The following USP24 variants were observed in gnomAD, a reference collection of about 807,000 sequenced individuals.
USP24 encodes ubiquitin carboxyl-terminal hydrolase 24.
A neutral mutation model predicts 361.6 loss-of-function variants in USP24; 97 were observed. The ratio of observed to expected loss-of-function variants is 0.27; its 90% CI spans 0.23 to 0.32. The LOEUF (loss-of-function observed/expected upper bound fraction) is 0.32, where lower values mean the gene tolerates loss of function less well. USP24 is among the 10% of genes least tolerant of loss of function. The pLI, the probability that USP24 is intolerant of heterozygous loss-of-function variation, is 1.00. For missense variants in USP24, 2,353 were observed against 3,165.6 expected (o/e 0.74, Z 6.16); for synonymous variants, 1,098 against 1,124.6 (o/e 0.98, Z 0.47).
At chr1:55,172,000 A>G (rs560747946) in intron 4 of USP24, among the ~76,000 whole-genome samples, 67 of 152,290 alleles carry the variant, frequency 4.4e-4, no homozygotes, top group Middle Eastern at 3.4e-3. Flanking sequence ...TGAGGGCAGA[A>G]GTCAGGAGGG....
At chr1:55,184,909 G>A (rs996768310) in intron 1 of USP24, among the ~76,000 whole-genome samples, 1 of 152,076 alleles carries the variant, frequency 6.6e-6, no homozygotes, top group Non-Finnish European at 1.5e-5. Context: ...AAACTTTTGG[G>A]TACAGCAAAA....
In USP24 at chr1:55,089,617, C is replaced by T; in HGVS notation, c.6668+10G>A. The stretch of plus-strand genomic sequence containing the variant: ...CAAATTTCTTTTAATTAAAAGACTC[C>T]AACACTTACTTTATCAATTCTCGTC... On this transcript the variant is annotated intron_variant, in intron 55 of 67. Transcript: ENST00000294383. 1 of 1,549,094 alleles carries T rather than the reference C, an allele frequency of 6.5e-7. No homozygotes were observed. The highest frequency in any genetic ancestry group is 8.7e-7 in the Non-Finnish European group (1 of 1,142,922).
rs1328856406 is a variant in USP24 at position 55,215,220 on chromosome 1, C to A, written c.-107G>T. 2 of 932,906 alleles carry A rather than the reference C, an allele frequency of 2.1e-6. No homozygotes were observed. The highest frequency in any genetic ancestry group is 2.7e-6 in the Non-Finnish European group (2 of 728,596). The allele number at this position is 932,906 out of a possible 1,614,324, so 57.8% of individuals were successfully genotyped here. The stretch of plus-strand genomic sequence containing the variant: ...CGCGCCGCCTCCGCGCCCAGGTTGG[C>A]CCCTGCGTTCCTGCCCCGGGTGCTC... On this transcript the variant is annotated 5_prime_UTR_variant, in exon 1 of 68. Coordinates refer to ENST00000294383, the MANE Select transcript of USP24 (RefSeq NM_015306.3).
chr1:55,095,974 T>C (rs1217456526), intron 50 of USP24, among the ~76,000 whole-genome samples: 1 of 152,234 alleles, frequency 6.6e-6, no homozygotes, highest in Admixed American at 6.5e-5. Context: ...CCAAATAGCT[T>C]TTTATCAAAT....
Position 55,147,056 on chromosome 1 carries a change from A to G in USP24, c.2123T>C (p.Leu708Ser). 6.4e-7 allele frequency: 1 copy of G among 1,569,788 alleles called. No homozygotes were observed. Among genetic ancestry groups the G allele is most frequent in the Non-Finnish European group, 8.6e-7 (1 of 1,162,532 alleles). The change falls in exon 19 of 68, where the codon TTA (leucine) becomes TCA (serine). Residue 708 changes from leucine (L) to serine (S), a missense_variant. Leu to Ser is a moderately radical substitution (Grantham distance 145). Around this residue, in one of 8 missense-constraint regions of USP24, gnomAD observed 949 missense variants for 1,280.5 expected, o/e 0.74. Transcript: ENST00000294383. The stretch of plus-strand genomic sequence containing the variant: ...CGCTAGAAATTTTAGATGTGCCTCT[A>G]AATACTGCAAAAAGAAATAATGCTA... ...VDGRYTYREY[L>S]EAHLKFLAFF...
chr1:55,151,321 A>G (rs1173108268), intron 16 of USP24, among the ~76,000 whole-genome samples: 1 of 152,144 alleles, frequency 6.6e-6, no homozygotes, highest in East Asian at 1.9e-4. Context: ...ACAATTTCTA[A>G]AAGTTATTTC....
chr1:55,159,584 G>A (rs370093007), intron 9 of USP24, 27 bp downstream of exon 9: 2 of 1,547,702 alleles, frequency 1.3e-6, no homozygotes, highest in Non-Finnish European at 1.8e-6. Flanking sequence ...TGGCACTGGG[G>A]CCTATCTGGC....
chr1:55,086,088 C>T (rs770037519), intron 55 of USP24, 50 bp from the exon 56 acceptor site: 21 of 1,545,960 alleles, frequency 1.4e-5, no homozygotes, highest in Non-Finnish European at 1.8e-5. Context: ...ATTTCCACAA[C>T]CTCAACCTTC....
At chr1:55,126,752 C>G (rs1053553222) in intron 32 of USP24, among the ~76,000 whole-genome samples, 10 of 152,178 alleles carry the variant, frequency 6.6e-5, no homozygotes, top group Non-Finnish European at 1.3e-4. Flanking sequence ...CATCATTTCC[C>G]TATTTCCCAT....
rs141765069 is a variant in USP24, at chr1:55,075,665, A to ACAC, written c.7381-145_7381-143dup. ...AACAACAACAACAACAACAACAACA[A>ACAC]CACCACCACCACCAATACAGGACGG... On this transcript the variant is annotated intron_variant, in intron 62 of 67. Transcript: ENST00000294383. 91 of 595,330 alleles carry ACAC rather than the reference A, an allele frequency of 1.5e-4. 1 individual carries two copies. The African/African-American group carries it at 2.0e-3, about 13-fold the overall frequency. The allele number at this position is 595,330 out of a possible 1,614,324, so 36.9% of individuals were successfully genotyped here. A position where few individuals can be genotyped will look rare whatever the true frequency, so the allele number is the denominator to read the frequency against.
At chr1:55,129,406 G>T in intron 32 of USP24, 71 bp downstream of exon 32, 1 of 1,288,390 alleles carries the variant, frequency 7.8e-7, no homozygotes, top group Non-Finnish European at 1.1e-6. Context: ...GCAAGACTTT[G>T]CAGGGGAAAT....
chr1:55,082,245 T>C (rs1371782180), intron 58 of USP24, among the ~76,000 whole-genome samples: 4 of 152,186 alleles, frequency 2.6e-5, no homozygotes, highest in South Asian at 2.1e-4. Flanking sequence ...CTTTGTGACC[T>C]TGGACAACTT....
intron 1 of USP24, among the ~76,000 whole-genome samples, chr1:55,209,258 T>C (rs1181781971): frequency 6.6e-6 from 1 of 151,992 alleles, no homozygotes; most frequent in African/African-American, 2.4e-5. Flanking sequence ...TCCATCCAAC[T>C]TCTTCTTTTT....
intron 7 of USP24, among the ~76,000 whole-genome samples, chr1:55,164,731 G>A (rs1386429739): frequency 6.6e-6 from 1 of 151,728 alleles, no homozygotes; most frequent in African/African-American, 2.4e-5. Context: ...TGAGGGCTAT[G>A]CCCAGATTCC....
chr1:55,100,558 G>T (rs1162165848), intron 44 of USP24, among the ~76,000 whole-genome samples: 1 of 151,948 alleles, frequency 6.6e-6, no homozygotes, highest in Non-Finnish European at 1.5e-5. Flanking sequence ...AGGGTCAGGG[G>T]AATGATATGA....
rs572060028 is a variant in USP24, at chr1:55,098,787, G to C, written c.5371-229C>G. Among the ~76,000 whole-genome samples, 23 of 152,316 alleles carry C rather than the reference G, an allele frequency of 1.5e-4. No homozygotes were observed. In the East Asian group the frequency reaches 4.2e-3, roughly 28 times the overall value. On this transcript the variant is annotated intron_variant, in intron 45 of 67. Transcript: ENST00000294383. ...GGGTCAGGTAGAGCTAATGACAAGAGAGTGTTCTCCAGGGTGATTCTGAAT... is the reference window on the plus strand; with the variant it reads ...GGGTCAGGTAGAGCTAATGACAAGACAGTGTTCTCCAGGGTGATTCTGAAT...
chr1:55,198,425 A>G (rs1644475973), intron 1 of USP24, among the ~76,000 whole-genome samples: 1 of 152,260 alleles, frequency 6.6e-6, no homozygotes, highest in Admixed American at 6.5e-5. Flanking sequence ...GAAAGAACAC[A>G]GAATTGAAAG....
At chr1:55,101,122 AGCTGGT>A (rs1310997169) in intron 43 of USP24, among the ~76,000 whole-genome samples, 158 bp from the exon 44 acceptor site, 2 of 152,202 alleles carry the variant, frequency 1.3e-5, no homozygotes, top group African/African-American at 4.8e-5. Flanking sequence ...AATAATTCCT[AGCTGGT>A]GTAATTATGA....
At chr1:55,106,027 A>T in intron 41 of USP24, 119 bp downstream of exon 41, 2 of 792,904 alleles carry the variant, frequency 2.5e-6, no homozygotes, top group Non-Finnish European at 4.3e-6. Context: ...TTTAGTGGAT[A>T]ATATAGGATA....
Sources: allele counts gnomAD v4.1 joint callset (sites outside exome capture counted in the v4.1 genomes callset), GRCh38; gene constraint gnomAD v4.1.1; regional missense constraint gnomAD v4.1.1; transcripts MANE v1.5; gene names NCBI Gene and HGNC (gene_info 2026-07-23, HGNC 2026-07-21).